Variants in RBFOX1 observed in about 807,000 individuals in gnomAD.
The protein encoded by RBFOX1 is RNA binding protein fox-1 homolog 1.
A neutral mutation model predicts 57.7 loss-of-function variants in RBFOX1; 8 were observed. The observed-to-expected ratio is 0.14, with a 90% CI of 0.08 to 0.25. The LOEUF is 0.25. Among genes scored for constraint, RBFOX1 ranks in the 10% least tolerant of loss-of-function variants. The pLI is 1.00. For missense variants in RBFOX1, 611 were observed against 548.5 expected (o/e 1.11, Z -1.14); for synonymous variants, 326 against 222.4 (o/e 1.47, Z -4.15).
chr16:6,052,799 TAAAATATAATA>T (rs1488969683), intron 1 of RBFOX1, among the ~76,000 whole-genome samples: 1 of 60,630 alleles, frequency 1.6e-5, no homozygotes, highest in Non-Finnish European at 2.9e-5. Flanking sequence ...ATAAATAAAA[TAAAATATAATA>T]ATAATAATAA....
chr16:5,461,258 G>A lies in RBFOX1; in HGVS notation c.220-5958G>A, dbSNP rs182474093. ...GTGGTAACATCTGAACTTGTGCAGA[G>A]TTCACTGGTTTATTAATTCAAGAGT... On this transcript the variant is annotated intron_variant, in intron 1 of 2. Coordinates refer to the RBFOX1 transcript ENST00000585867. 2.2e-3 allele frequency among the ~76,000 whole-genome samples: 333 copies of A among 152,340 alleles called. 4 individuals carry two copies. Among genetic ancestry groups the A allele is most frequent in the Non-Finnish European group, 3.2e-3 (219 of 68,030 alleles).
At chr16:7,281,163 TG>T (rs1348925450) in intron 4 of RBFOX1, among the ~76,000 whole-genome samples, 2 of 151,842 alleles carry the variant, frequency 1.3e-5, no homozygotes, top group African/African-American at 4.8e-5. Flanking sequence ...CCACCACACC[TG>T]GCTAATTTTT....
chr16:6,481,258 C>G (rs543834164), intron 2 of RBFOX1, among the ~76,000 whole-genome samples: 3 of 152,196 alleles, frequency 2.0e-5, no homozygotes, highest in Non-Finnish European at 4.4e-5. Context: ...CTTGTAGTTA[C>G]AGCTGTAAAT....
chr16:7,000,339 C>T (rs12925428), intron 3 of RBFOX1, among the ~76,000 whole-genome samples: 88,437 of 151,836 alleles, frequency 0.58, 29,088 homozygotes, highest in East Asian at 0.93. Context: ...TAAAATTAGT[C>T]GATACATCTC....
At chr16:6,109,116 A>T (rs890271357) in intron 1 of RBFOX1, among the ~76,000 whole-genome samples, 3 of 152,212 alleles carry the variant, frequency 2.0e-5, no homozygotes, top group African/African-American at 7.2e-5. Context: ...TGGTTTTATC[A>T]TGCCATGTAC....
At chr16:6,630,449 G>A (rs1355706778) in intron 2 of RBFOX1, among the ~76,000 whole-genome samples, 1 of 152,154 alleles carries the variant, frequency 6.6e-6, no homozygotes, top group African/African-American at 2.4e-5. Context: ...TCTTAATGGT[G>A]ATATAACATC....
intron 1 of RBFOX1, among the ~76,000 whole-genome samples, chr16:6,095,709 G>GAA (rs111379965): frequency 4.4e-4 from 58 of 130,492 alleles, no homozygotes; most frequent in African/African-American, 1.4e-3. Context: ...GAAAGAAAAA[G>GAA]AAAAAAAAAA....
At chr16:6,814,721 A>G (rs1347524189) in intron 3 of RBFOX1, among the ~76,000 whole-genome samples, 1 of 152,084 alleles carries the variant, frequency 6.6e-6, no homozygotes. Context: ...GAGGAAGTGA[A>G]GTGAAAAGTC....
Position 5,464,406 on chromosome 16 carries a change from A to G in RBFOX1, c.220-2810A>G, listed in dbSNP as rs192520339. Among the ~76,000 whole-genome samples, 216 of 152,350 alleles carry G rather than the reference A, an allele frequency of 1.4e-3. 1 individual carries two copies. Among genetic ancestry groups the G allele is most frequent in the African/African-American group, 5.0e-3 (208 of 41,580 alleles). On this transcript the variant is annotated intron_variant, in intron 1 of 2. Coordinates refer to the RBFOX1 transcript ENST00000585867. Reference sequence around the variant, plus strand: ...AGAGAAAGGAGGAAACGCCTTAGGAAAAGATGTCAGAGAGGGGACACGACA... The same window carrying G: ...AGAGAAAGGAGGAAACGCCTTAGGAGAAGATGTCAGAGAGGGGACACGACA...
chr16:5,430,647 C>T (rs1246772186), intron 1 of RBFOX1, among the ~76,000 whole-genome samples: 1 of 152,198 alleles, frequency 6.6e-6, no homozygotes, highest in Admixed American at 6.5e-5. Flanking sequence ...GTGATCAGAG[C>T]TCAGGGCCAG....
intron 3 of RBFOX1, among the ~76,000 whole-genome samples, chr16:5,636,757 C>T (rs567448301): frequency 1.4e-3 from 214 of 152,326 alleles, no homozygotes; most frequent in Non-Finnish European, 2.5e-3. Context: ...GGTTGCCTTC[C>T]AGAGCTATTC....
At chr16:7,584,974 G>A (rs937550467) in intron 6 of RBFOX1, among the ~76,000 whole-genome samples, 4 of 152,150 alleles carry the variant, frequency 2.6e-5, no homozygotes, top group African/African-American at 7.2e-5. Flanking sequence ...CTGTTTGATT[G>A]GTTCTGTCTC....
At chr16:7,027,505 C>A (rs190057408) in intron 3 of RBFOX1, among the ~76,000 whole-genome samples, 98 of 134,404 alleles carry the variant, frequency 7.3e-4, no homozygotes, top group African/African-American at 2.7e-3. Flanking sequence ...GATTCAAACT[C>A]AAGCAGTCTG....
chr16:6,725,387 C>T (rs1447224177), intron 3 of RBFOX1, among the ~76,000 whole-genome samples: 2 of 152,174 alleles, frequency 1.3e-5, no homozygotes, highest in African/African-American at 2.4e-5. Flanking sequence ...TTTTTACCAA[C>T]GAGGTCTTTG....
chr16:7,699,271 ATCCTGGACC>A (rs975601349), intron 14 of RBFOX1, among the ~76,000 whole-genome samples: 37 of 83,026 alleles, frequency 4.5e-4, no homozygotes, highest in South Asian at 2.1e-3. Flanking sequence ...GCTTCCTGTA[ATCCTGGACC>A]TCCTGGGATC....
chr16:5,893,721 G>T (rs1044758844), intron 4 of RBFOX1, among the ~76,000 whole-genome samples: 1 of 151,790 alleles, frequency 6.6e-6, no homozygotes, highest in African/African-American at 2.4e-5. Context: ...CATAAGAATT[G>T]CTTGAACCCA....
chr16:7,235,134 A>G (rs1414804580), intron 4 of RBFOX1, among the ~76,000 whole-genome samples: 1 of 152,266 alleles, frequency 6.6e-6, no homozygotes, highest in Non-Finnish European at 1.5e-5. Flanking sequence ...ACACATCGGT[A>G]GTAGTCACAC....
At chr16:5,675,208 A>C (rs2050128608) in intron 3 of RBFOX1, among the ~76,000 whole-genome samples, 1 of 151,746 alleles carries the variant, frequency 6.6e-6, no homozygotes, top group African/African-American at 2.4e-5. Context: ...ATGCACATGC[A>C]TGTACTCACG....
intron 12 of RBFOX1, among the ~76,000 whole-genome samples, chr16:7,663,504 CGTGTGTGT>C (rs57358282): frequency 0.011 from 1,704 of 148,944 alleles, 29 homozygotes; most frequent in African/African-American, 0.04. Flanking sequence ...GTCAGTACAG[CGTGTGTGT>C]GTGTGTGTGT....
Sources: allele counts gnomAD v4.1 joint callset (sites outside exome capture counted in the v4.1 genomes callset), GRCh38; gene constraint gnomAD v4.1.1; transcripts MANE v1.5; gene names NCBI Gene and HGNC (gene_info 2026-07-23, HGNC 2026-07-21).